ADGRL2: variants seen among roughly 807,000 people sequenced by gnomAD.
ADGRL2 encodes the protein calcium-independent alpha-latrotoxin receptor 2.
Under a neutral mutation model 157.4 loss-of-function variants are expected in ADGRL2, and 44 were observed. That is an observed-to-expected ratio of 0.28 (90% CI 0.22 to 0.36). The LOEUF is 0.36. Ranked by LOEUF, ADGRL2 falls within the 10% of genes least tolerant of loss-of-function variation. The pLI, the probability that ADGRL2 is intolerant of heterozygous loss-of-function variation, is 1.00. For missense variants in ADGRL2, 1,510 were observed against 1,768.9 expected, an observed-to-expected ratio of 0.85 and a Z score of 2.63; for synonymous variants, 585 against 624.7, an observed-to-expected ratio of 0.94 and a Z score of 0.95.
intron 2 of ADGRL2, among the ~76,000 whole-genome samples, chr1:81,878,315 A>G (rs2093894720): frequency 6.7e-6 from 1 of 150,344 alleles, no homozygotes; most frequent in Admixed American, 6.6e-5. Context: ...TATGAGAAGA[A>G]TTGATAGAAA....
At chr1:81,330,060 A>G (rs999822100) in intron 1 of ADGRL2, among the ~76,000 whole-genome samples, 5 of 152,154 alleles carry the variant, frequency 3.3e-5, no homozygotes, top group Non-Finnish European at 5.9e-5. Context: ...ATTTTCGGTC[A>G]TCCAAGAGGC....
rs79362162 is a variant in ADGRL2, at chr1:81,742,779, T to C, written c.-142-19032T>C. Among the ~76,000 whole-genome samples, 1,217 of 152,178 alleles carry C rather than the reference T, an allele frequency of 8.0e-3. 20 individuals carry two copies. Among genetic ancestry groups the C allele is most frequent in the African/African-American group, 0.028 (1,161 of 41,554 alleles). On this transcript the variant is annotated intron_variant, in intron 1 of 20. Transcript: ENST00000359929. ...TGTTTGCAAGAAAAATATTCTATTA[T>C]TTTTGTATTTAATTATTAATATTTG...
chr1:81,895,878 T>A (rs2094376680), intron 2 of ADGRL2, among the ~76,000 whole-genome samples: 1 of 152,156 alleles, frequency 6.6e-6, no homozygotes, highest in Non-Finnish European at 1.5e-5. Context: ...TCCACCCTAA[T>A]GAGTTTTAGC....
intron 3 of ADGRL2, among the ~76,000 whole-genome samples, chr1:81,689,857 C>T (rs1347673459): frequency 6.6e-6 from 1 of 152,160 alleles, no homozygotes; most frequent in African/African-American, 2.4e-5. Flanking sequence ...TGTGATTTTG[C>T]AACTCTCTTG....
intron 1 of ADGRL2, among the ~76,000 whole-genome samples, chr1:81,350,234 A>T (rs1332012186): frequency 6.6e-6 from 1 of 152,210 alleles, no homozygotes; most frequent in East Asian, 1.9e-4. Context: ...TTTGCCTAAT[A>T]TAACTCTATC....
At chr1:81,669,738 C>T (rs514226) in intron 3 of ADGRL2, among the ~76,000 whole-genome samples, 44 of 151,616 alleles carry the variant, frequency 2.9e-4, no homozygotes, top group Non-Finnish European at 5.2e-4. Flanking sequence ...GTCAGGAGAT[C>T]GAGACCATCC....
At chr1:81,682,101 A>ATGTGTGTGTGTG (rs1440744581) in intron 3 of ADGRL2, among the ~76,000 whole-genome samples, 13 of 88,342 alleles carry the variant, frequency 1.5e-4, no homozygotes, top group African/African-American at 3.3e-4. Context: ...ATATACATAT[A>ATGTGTGTGTGTG]TATGTGTGTG....
At chr1:81,457,547 C>T (rs943136758) in intron 2 of ADGRL2, among the ~76,000 whole-genome samples, 2 of 152,024 alleles carry the variant, frequency 1.3e-5, no homozygotes, top group African/African-American at 4.8e-5. Context: ...TGATTATTGA[C>T]TAATAACCAA....
chr1:81,493,274 A>G (rs548354222), intron 2 of ADGRL2, among the ~76,000 whole-genome samples: 4 of 152,344 alleles, frequency 2.6e-5, no homozygotes, highest in East Asian at 1.9e-4. Flanking sequence ...GTTGCCCTGC[A>G]TGTCAGCATG....
At chr1:81,550,130 A>G (rs1041893821) in intron 2 of ADGRL2, among the ~76,000 whole-genome samples, 1 of 152,172 alleles carries the variant, frequency 6.6e-6, no homozygotes, top group Non-Finnish European at 1.5e-5. Context: ...AAGGAGTATC[A>G]TAGGGTAGGA....
chr1:81,456,903 C>T (rs567774331), intron 2 of ADGRL2, among the ~76,000 whole-genome samples: 4 of 151,928 alleles, frequency 2.6e-5, no homozygotes, highest in South Asian at 4.2e-4. Flanking sequence ...AACTTCATTC[C>T]TTCCTAAGCT....
chr1:81,368,238 G>A (rs1233792651), intron 1 of ADGRL2, among the ~76,000 whole-genome samples: 1 of 152,120 alleles, frequency 6.6e-6, no homozygotes, highest in South Asian at 2.1e-4. Context: ...GCATGAGATG[G>A]TATCTCATTG....
At chr1:81,689,915 C>A (rs913729465) in intron 3 of ADGRL2, among the ~76,000 whole-genome samples, 1 of 152,144 alleles carries the variant, frequency 6.6e-6, no homozygotes, top group African/African-American at 2.4e-5. Flanking sequence ...ACTGACCAGA[C>A]CCAGTCTTTG....
intron 2 of ADGRL2, among the ~76,000 whole-genome samples, chr1:81,498,593 AT>A (rs1179773510): frequency 2.0e-5 from 3 of 152,228 alleles, no homozygotes; most frequent in African/African-American, 7.2e-5. Context: ...TGTTAACTGT[AT>A]TTATGAGAAG....
intron 2 of ADGRL2, among the ~76,000 whole-genome samples, chr1:81,537,048 G>A (rs1400376837): frequency 6.6e-6 from 1 of 152,040 alleles, no homozygotes; most frequent in Non-Finnish European, 1.5e-5. Flanking sequence ...CTTTATTTTT[G>A]ATAAATACTT....
At chr1:81,615,566 A>G (rs2081627353) in intron 3 of ADGRL2, among the ~76,000 whole-genome samples, 1 of 152,216 alleles carries the variant, frequency 6.6e-6, no homozygotes, top group Admixed American at 6.5e-5. Flanking sequence ...CGGACACACC[A>G]TCTTTAAGAA....
chr1:81,482,821 A>G (rs1286692629), intron 2 of ADGRL2, among the ~76,000 whole-genome samples: 2 of 151,244 alleles, frequency 1.3e-5, no homozygotes, highest in Admixed American at 6.6e-5. Context: ...TATATGTTTT[A>G]TATATTGAAT....
chr1:81,408,667 G>C (rs2076897145), intron 1 of ADGRL2, among the ~76,000 whole-genome samples: 1 of 151,312 alleles, frequency 6.6e-6, no homozygotes, highest in Non-Finnish European at 1.5e-5. Context: ...TGCCCCCAAG[G>C]GTGTGCACGT....
chr1:81,758,459 C>T (rs2085764186), intron 1 of ADGRL2, among the ~76,000 whole-genome samples: 2 of 152,172 alleles, frequency 1.3e-5, no homozygotes, highest in South Asian at 4.1e-4. Flanking sequence ...TAGATAACTT[C>T]ACTAAGACCT....
Sources: allele counts gnomAD v4.1 joint callset (sites outside exome capture counted in the v4.1 genomes callset), GRCh38; gene constraint gnomAD v4.1.1; transcripts MANE v1.5; gene names NCBI Gene and HGNC (gene_info 2026-07-23, HGNC 2026-07-21).